Variants in NUCB2 observed in about 807,000 individuals in gnomAD.
The protein encoded by NUCB2 is nucleobindin 2.
NUCB2 carries 48 observed loss-of-function variants against 57.9 expected under a neutral mutation model. The ratio of observed to expected loss-of-function variants is 0.83; its 90% CI spans 0.66 to 1.05. The LOEUF is 1.05. NUCB2 is among the 50% of genes least tolerant of loss of function. NUCB2 has a pLI of 0.00. For missense variants in NUCB2, 442 were observed against 476.2 expected (o/e 0.93, Z 0.67); for synonymous variants, 139 against 152.1 (o/e 0.91, Z 0.64).
At chr11:17,285,151 G>A (rs1242440299) in intron 2 of NUCB2, among the ~76,000 whole-genome samples, 1 of 152,180 alleles carries the variant, frequency 6.6e-6, no homozygotes, top group East Asian at 1.9e-4. Flanking sequence ...AAAGAGGCTG[G>A]GCGCGGTGGC....
Position 17,288,936 on chromosome 11 carries a change from CACACACACACACACAT to C in NUCB2, c.-1+5995_-1+6010del, listed in dbSNP as rs1333263517. On this transcript the variant is annotated intron_variant, in intron 2 of 13. Coordinates refer to ENST00000529010, the MANE Select transcript of NUCB2 (RefSeq NM_005013.4). ...ACACACACACACACACACACACACA[CACACACACACACACAT>C]ATATATATATATTTTTTTTTTTTGA... is the stretch of plus-strand genomic sequence containing the variant. Among the ~76,000 whole-genome samples, 118 of 84,560 alleles carry C rather than the reference CACACACACACACACAT, an allele frequency of 1.4e-3. 11 individuals are homozygous for C. The highest frequency in any genetic ancestry group is 3.8e-3 in the African/African-American group (47 of 12,462). The allele number at this position is 84,560 out of a possible 152,430, so 55.5% of individuals were successfully genotyped here. A position where few individuals can be genotyped will look rare whatever the true frequency, so the allele number is the denominator to read the frequency against.
intron 2 of NUCB2, among the ~76,000 whole-genome samples, chr11:17,343,025 A>C (rs1952412421): frequency 6.6e-6 from 1 of 152,072 alleles, no homozygotes; most frequent in South Asian, 2.1e-4. Context: ...TATTTAGGAT[A>C]GTTAGCTCTT....
intron 2 of NUCB2, among the ~76,000 whole-genome samples, chr11:17,285,254 C>T (rs367907356): frequency 2.1e-3 from 310 of 150,322 alleles, no homozygotes; most frequent in Middle Eastern, 0.01. Context: ...GGTGAAACCC[C>T]GTCTCTACTA....
chr11:17,286,394 C>A (rs1243304186), intron 2 of NUCB2, among the ~76,000 whole-genome samples: 1 of 152,164 alleles, frequency 6.6e-6, no homozygotes, highest in Non-Finnish European at 1.5e-5. Flanking sequence ...TCTTTTAGGA[C>A]TTTAAAATTT....
At position 17,295,322 on chromosome 11, in the gene NUCB2, A is replaced by G. The variant is rs1215483332; in HGVS notation, c.1-2A>G. 1 of 1,604,716 alleles carries G rather than the reference A, an allele frequency of 6.2e-7. No individual in the cohort carries two copies. The highest frequency in any genetic ancestry group is 1.8e-5 in the Admixed American group (1 of 57,100). On this transcript the variant is annotated splice_acceptor_variant, in intron 2 of 13. Coordinates refer to ENST00000529010, the MANE Select transcript of NUCB2 (RefSeq NM_005013.4). LOFTEE classifies it low-confidence loss of function (5UTR_SPLICE). ...TTTACCATAATTACTCCTTTATTTC[A>G]GATGAGGTGGAGGACCATCCTGCTA...
chr11:17,286,415 T>C (rs1392292352), intron 2 of NUCB2, among the ~76,000 whole-genome samples: 1 of 152,250 alleles, frequency 6.6e-6, no homozygotes, highest in Non-Finnish European at 1.5e-5. Flanking sequence ...AAGGAAATTA[T>C]ATCTACTGAA....
At chr11:17,309,448 C>T (rs560735550) in intron 5 of NUCB2, 124 bp from the exon 6 acceptor site, 591 of 585,004 alleles carry the variant, frequency 1.0e-3, no homozygotes, top group Non-Finnish European at 1.3e-3. Flanking sequence ...AGCCTTTATT[C>T]TAAAACTTTG....
At chr11:17,336,786 T>A (rs187438656), downstream of NUCB2, among the ~76,000 whole-genome samples, 266 of 79,268 alleles carry the variant, frequency 3.4e-3, no homozygotes, top group African/African-American at 8.4e-3. Context: ...AAAAAAAAAA[T>A]ACTCTGAGAC....
intron 5 of NUCB2, among the ~76,000 whole-genome samples, chr11:17,303,884 C>CAA (rs1237614290): frequency 7.3e-5 from 4 of 54,584 alleles, no homozygotes; most frequent in East Asian, 4.5e-4. Flanking sequence ...GACTCCATCT[C>CAA]AAAAAAAAAA....
intron 1 of NUCB2, among the ~76,000 whole-genome samples, chr11:17,280,722 A>G (rs181420512): frequency 1.2e-3 from 189 of 152,266 alleles, no homozygotes; most frequent in African/African-American, 4.3e-3. Context: ...ATGTTCAGAG[A>G]AGAGCTCTAA....
chr11:17,279,281 A>T (rs770448794), intron 1 of NUCB2, among the ~76,000 whole-genome samples: 7 of 152,060 alleles, frequency 4.6e-5, no homozygotes, highest in South Asian at 2.1e-4. Context: ...CCAATCAAAA[A>T]TTTTTTTTAC....
chr11:17,282,400 A>G (rs1326655804), intron 1 of NUCB2, among the ~76,000 whole-genome samples: 1 of 151,792 alleles, frequency 6.6e-6, no homozygotes, highest in Non-Finnish European at 1.5e-5. Flanking sequence ...CTGGAACTAC[A>G]GGCACCTGCC....
At chr11:17,333,231 A>G (rs1276871228), downstream of NUCB2, 2 of 151,976 alleles carry the variant, frequency 1.3e-5, no homozygotes, top group East Asian at 1.9e-4. Flanking sequence ...ACTTTCTTGG[A>G]GGTTTTTATT....
At chr11:17,313,484 T>A (rs1377507673) in intron 10 of NUCB2, among the ~76,000 whole-genome samples, 2 of 151,996 alleles carry the variant, frequency 1.3e-5, no homozygotes, top group African/African-American at 4.8e-5. Context: ...GAGCCAAGAT[T>A]ACACCACTGT....
chr11:17,330,959 G>C lies in NUCB2; in HGVS notation c.1231G>C (p.Ala411Pro). 1 of 1,610,224 alleles carries C rather than the reference G, an allele frequency of 6.2e-7. No homozygotes were observed. The highest frequency in any genetic ancestry group is 8.5e-7 in the Non-Finnish European group (1 of 1,177,540). ...ACAAGGAATTCCTCCATCAGGGCCA[G>C]CTGGAGAATTGAAGTTTGAGCCACG... ...LQQGIPPSGP[A>P]GELKFEPHI The change falls in exon 13 of 14, where the codon GCT (alanine) becomes CCT (proline). Residue 411 changes from alanine to proline, a missense_variant. Coordinates refer to ENST00000529010, the MANE Select transcript of NUCB2 (RefSeq NM_005013.4). This position sits in a 1 kb window ranked among gnomAD's most constrained non-coding sequence, Gnocchi z 4.3.
intron 2 of NUCB2, among the ~76,000 whole-genome samples, 172 bp downstream of exon 2, chr11:17,283,115 G>A (rs1943033313): frequency 6.6e-6 from 1 of 152,058 alleles, no homozygotes; most frequent in Non-Finnish European, 1.5e-5. Context: ...TGGGTATAGT[G>A]GCTTTATAAA....
intron 2 of NUCB2, among the ~76,000 whole-genome samples, chr11:17,345,015 C>A (rs1437894064): frequency 6.6e-6 from 1 of 152,164 alleles, no homozygotes; most frequent in African/African-American, 2.4e-5. Context: ...GAATTAGAAA[C>A]CTTGCAACTT....
chr11:17,347,203 G>A (rs1440420195), intron 2 of NUCB2, among the ~76,000 whole-genome samples: 1 of 152,130 alleles, frequency 6.6e-6, no homozygotes, highest in Non-Finnish European at 1.5e-5. Flanking sequence ...GAGCTTCCAG[G>A]TCACAGGTGA....
chr11:17,339,866 G>C (rs960898309), intron 2 of NUCB2, among the ~76,000 whole-genome samples: 67 of 152,138 alleles, frequency 4.4e-4, no homozygotes, highest in African/African-American at 1.5e-3. Flanking sequence ...GGGTATATAC[G>C]CAGTAATGGG....
Sources: gnomAD v4.1 joint callset for allele counts (sites outside exome capture counted in the v4.1 genomes callset) on GRCh38, gnomAD v4.1.1 for gene constraint, Gnocchi (gnomAD v3.1) non-coding constraint, MANE v1.5 for transcripts, NCBI Gene and HGNC (gene_info 2026-07-23, HGNC 2026-07-21) for gene names.